The following PHF20L1 variants were observed in gnomAD, a reference collection of about 807,000 sequenced individuals.
PHF20L1 encodes PHD finger protein 20 like 1.
Under a neutral mutation model 125.5 loss-of-function variants are expected in PHF20L1, and 44 were observed. That is an observed-to-expected ratio of 0.35 (90% confidence interval 0.28 to 0.45). The LOEUF (loss-of-function observed/expected upper bound fraction) is 0.45, where lower values mean the gene tolerates loss of function less well. Among genes scored for constraint, PHF20L1 ranks in the 20% least tolerant of loss-of-function variants. PHF20L1 has a pLI of 1.00. For synonymous variants in PHF20L1, 380 were observed against 403.1 expected, an observed-to-expected ratio of 0.94 and a Z score of 0.69; for missense variants, 1,012 against 1,217.2, an observed-to-expected ratio of 0.83 and a Z score of 2.51.
At chr8:132,810,788 G>T in intron 8 of PHF20L1, 1 of 395,144 alleles carries the variant, frequency 2.5e-6, no homozygotes, top group African/African-American at 2.0e-5. Context: ...ATGTGTGTGT[G>T]CAAGTGTGTG....
At chr8:132,822,904 A>G (rs1409353474) in intron 12 of PHF20L1, among the ~76,000 whole-genome samples, 1 of 105,576 alleles carries the variant, frequency 9.5e-6, no homozygotes, top group African/African-American at 2.8e-5. Context: ...AAATGGTGAC[A>G]TTAAAGCATA....
chr8:132,815,472 C>T (rs754278877), intron 10 of PHF20L1: 1 of 151,830 alleles, frequency 6.6e-6, no homozygotes, highest in Non-Finnish European at 1.5e-5. Flanking sequence ...CCCTATATAT[C>T]TGTATATATA....
chr8:132,831,416 T>C (rs1349835593), intron 14 of PHF20L1, among the ~76,000 whole-genome samples: 2 of 152,010 alleles, frequency 1.3e-5, no homozygotes, highest in Non-Finnish European at 2.9e-5. Flanking sequence ...AAGCTGCATA[T>C]GGCCTCTCCC....
chr8:132,802,739 A>G (rs1055808916), intron 6 of PHF20L1, among the ~76,000 whole-genome samples: 2 of 151,872 alleles, frequency 1.3e-5, no homozygotes, highest in Admixed American at 6.6e-5. Flanking sequence ...TGTTTTCACC[A>G]TATATTTTTA....
At chr8:132,784,186 G>A (rs560584337) in intron 2 of PHF20L1, among the ~76,000 whole-genome samples, 2 of 152,078 alleles carry the variant, frequency 1.3e-5, no homozygotes, top group African/African-American at 2.4e-5. Context: ...ACCTGGTTTC[G>A]GGTTGTTCTT....
rs1477339626 is a variant in PHF20L1 at position 132,803,684 on chromosome 8, ATTG to A, written c.508-132_508-130del. The A allele has an allele frequency of 1.9e-5, 11 of 594,086 alleles. No individual in the cohort carries two copies. In the Admixed American group the frequency reaches 2.5e-4, roughly 13 times the overall value. 36.8% of individuals were successfully genotyped at this position (594,086 alleles called of 1,614,324 possible). A position where few individuals can be genotyped will look rare whatever the true frequency, so the allele number is the denominator to read the frequency against. On this transcript the variant is annotated intron_variant, in intron 6 of 20. Transcript: ENST00000395386. Reference sequence around the variant, plus strand: ...TACCATGTTCAGCTATCATGTAAATATTGTTATCTCTATATTTATGTTTATGTA... The same window carrying A: ...TACCATGTTCAGCTATCATGTAAATATTATCTCTATATTTATGTTTATGTA...
chr8:132,776,222 T>C (rs547332225), intron 1 of PHF20L1, among the ~76,000 whole-genome samples: 1 of 152,204 alleles, frequency 6.6e-6, no homozygotes, highest in East Asian at 1.9e-4. Flanking sequence ...CAAAGGAAAA[T>C]CTTGTTTTTT....
intron 5 of PHF20L1, 94 bp from the exon 6 acceptor site, chr8:132,799,001 A>C (rs1037069367): frequency 1.6e-6 from 2 of 1,220,516 alleles, no homozygotes; most frequent in Non-Finnish European, 2.3e-6. Context: ...GCAGCAAGAA[A>C]AGGAAGCTTA....
intron 9 of PHF20L1, 57 bp downstream of exon 9, chr8:132,811,185 C>T (rs1272782436): frequency 1.2e-6 from 2 of 1,605,078 alleles, no homozygotes; most frequent in Non-Finnish European, 8.5e-7. Context: ...GATCACGGAG[C>T]TCTAGTATCT....
At chr8:132,810,285 C>G (rs766241676) in intron 8 of PHF20L1, 5 of 152,106 alleles carry the variant, frequency 3.3e-5, no homozygotes, top group Non-Finnish European at 5.9e-5. Context: ...CTCAAGTGAT[C>G]TGCCCGCCTC....
At chr8:132,832,968 G>A (rs923651205) in intron 15 of PHF20L1, among the ~76,000 whole-genome samples, 4 of 152,078 alleles carry the variant, frequency 2.6e-5, no homozygotes, top group Admixed American at 2.0e-4. Flanking sequence ...AGTGAAGGGA[G>A]CACTGGAGTT....
intron 14 of PHF20L1, among the ~76,000 whole-genome samples, chr8:132,831,468 C>G (rs888714749): frequency 6.6e-6 from 1 of 152,004 alleles, no homozygotes; most frequent in Admixed American, 6.6e-5. Context: ...CTGAGAAAAA[C>G]AGAATTTTTA....
chr8:132,848,620 G>A lies in PHF20L1; in HGVS notation c.*2697G>A, dbSNP rs1048128229. 1 of 152,408 alleles carries A rather than the reference G, an allele frequency of 6.6e-6. No individual in the cohort carries two copies. The highest frequency in any genetic ancestry group is 2.4e-5 in the African/African-American group (1 of 41,394). The allele number at this position is 152,408 out of a possible 1,614,324, so 9.4% of individuals were successfully genotyped here. ...CCTCATACTTGTTTGTGGTTCTACT[G>A]ACTTATTTCCAAACTTAAGAGTAAT... is the stretch of plus-strand genomic sequence containing the variant. On this transcript the variant is annotated 3_prime_UTR_variant, in exon 21 of 21. Transcript: ENST00000395386.
intron 2 of PHF20L1, among the ~76,000 whole-genome samples, chr8:132,791,295 T>C (rs2131414556): frequency 6.6e-6 from 1 of 150,958 alleles, no homozygotes; most frequent in Non-Finnish European, 1.5e-5. Flanking sequence ...AGTTTCACTA[T>C]TGTTGCCCAG....
chr8:132,837,717 A>G lies in PHF20L1; in HGVS notation c.2097A>G (p.Glu699=). The G allele has an allele frequency of 6.2e-7, 1 of 1,611,888 alleles. No individual in the cohort carries two copies. Residue 699 remains glutamate, a synonymous_variant, in exon 17 of 21, where the codon GAA becomes GAG. Transcript: ENST00000395386. Reference sequence around the variant, plus strand: ...TACTCCTCTGTTTTCTGCAGTGTGAAGAGTGCTTGTGTTGGCAACACAGCG... The same window carrying G: ...TACTCCTCTGTTTTCTGCAGTGTGAGGAGTGCTTGTGTTGGCAACACAGCG... ...DEENGFMIQC[E]ECLCWQHSVC... is the part of the protein sequence containing the mutation.
intron 15 of PHF20L1, 183 bp from the exon 16 acceptor site, chr8:132,836,357 T>C: frequency 2.0e-6 from 1 of 498,190 alleles, no homozygotes; most frequent in Non-Finnish European, 3.5e-6. Flanking sequence ...CATAATTACC[T>C]AAGCTTCAAA....
At chr8:132,831,356 CA>C (rs1465018190) in intron 14 of PHF20L1, among the ~76,000 whole-genome samples, 2 of 123,374 alleles carry the variant, frequency 1.6e-5, no homozygotes, top group Non-Finnish European at 3.6e-5. Flanking sequence ...CCTGGAATCA[CA>C]CCCCCACCTC....
rs923036138 is a variant in PHF20L1 at position 132,844,280 on chromosome 8, T to C, written c.2873T>C (p.Val958Ala). ...CACATAGAAAATGTGCAGAACGAAG[T>C]TACCAGCAGGATGGACCTAATAGAA... ...LTHIENVQNE[V>A]TSRMDLIEKE... Residue 958 changes from valine to alanine, a missense_variant, in exon 20 of 21, where the codon GTT (valine) becomes GCT (alanine). This residue lies in a region of PHF20L1 where 277 missense variants were observed against 283.6 expected (regional missense o/e 0.98). Transcript: ENST00000395386. 1 of 1,612,352 alleles carries C rather than the reference T, an allele frequency of 6.2e-7. No individual in the cohort carries two copies. The highest frequency in any genetic ancestry group is 1.3e-5 in the African/African-American group (1 of 74,778).
chr8:132,804,672 C>T lies in PHF20L1; in HGVS notation c.779C>T (p.Ser260Leu), dbSNP rs1833479686. Residue 260 changes from serine to leucine, a missense_variant, in exon 8 of 21, where the codon TCA becomes TTA. Physicochemically the swap from Ser to Leu is moderately radical, Grantham distance 145. Coordinates refer to ENST00000395386, the MANE Select transcript of PHF20L1 (RefSeq NM_016018.5). ...TTTCCACAGCCAGAGAGCACATTAT[C>T]AAACAAGAGGAAAAATAATCAAGGC... The part of the protein sequence containing the change: ...MVFPQPESTL[S>L]NKRKNNQGNS... 1 of 1,608,940 alleles carries T rather than the reference C, an allele frequency of 6.2e-7. No homozygotes were observed. The highest frequency in any genetic ancestry group is 8.5e-7 in the Non-Finnish European group (1 of 1,176,350).
Sources: allele counts gnomAD v4.1 joint callset (sites outside exome capture counted in the v4.1 genomes callset), GRCh38; gene constraint gnomAD v4.1.1; regional missense constraint gnomAD v4.1.1; transcripts MANE v1.5; gene names NCBI Gene and HGNC (gene_info 2026-07-23, HGNC 2026-07-21).